Variants in PLGRKT observed in about 807,000 individuals in gnomAD.
PLGRKT encodes the protein plasminogen receptor (KT).
PLGRKT carries 22 observed loss-of-function variants against 18.5 expected under a neutral mutation model. The observed-to-expected ratio is 1.19, with a 90% CI of 0.85 to 1.70. The LOEUF (loss-of-function observed/expected upper bound fraction) is 1.70. Ranked by LOEUF, PLGRKT falls within the 40% of genes most tolerant of loss-of-function variation. The pLI is 0.00. For missense variants in PLGRKT, 235 were observed against 174.4 expected (o/e 1.35, Z -1.96); for synonymous variants, 72 against 52.8 (o/e 1.36, Z -1.58).
intron 3 of PLGRKT, among the ~76,000 whole-genome samples, chr9:5,412,124 TAG>T (rs1213629045): frequency 6.6e-5 from 10 of 152,232 alleles, no homozygotes; most frequent in African/African-American, 2.4e-4. Flanking sequence ...ACCAGTGAAT[TAG>T]AGTGTCCAGA....
intron 3 of PLGRKT, among the ~76,000 whole-genome samples, chr9:5,422,628 G>A (rs1175970474): frequency 2.6e-5 from 4 of 152,164 alleles, no homozygotes; most frequent in African/African-American, 7.2e-5. Flanking sequence ...AAAGACACTT[G>A]TGAAGCAACT....
chr9:5,421,222 C>A (rs1232381643), intron 3 of PLGRKT, among the ~76,000 whole-genome samples: 1 of 152,222 alleles, frequency 6.6e-6, no homozygotes, highest in Non-Finnish European at 1.5e-5. Flanking sequence ...GTTCTCCCAG[C>A]TCAGTGTCTC....
chr9:5,362,558 G>GAGTT lies in PLGRKT; in HGVS notation c.82-674_82-671dup, dbSNP rs200069452. On this transcript the variant is annotated intron_variant, in intron 3 of 5. Transcript: ENST00000223864. ...TAAACCCAAGCCCATTATTTGAAGA[G>GAGTT]AGTTATATTCTTGACAGAGAAAAGT... 1.1e-4 allele frequency among the ~76,000 whole-genome samples: 17 copies of GAGTT among 152,276 alleles called. No individual in the cohort carries two copies. The East Asian group carries it at 3.1e-3, about 28-fold the overall frequency.
rs373362217 is a variant in PLGRKT at position 5,403,011 on chromosome 9, A to T, written c.81+28886T>A. 3.7e-4 allele frequency among the ~76,000 whole-genome samples: 57 copies of T among 152,018 alleles called. No individual in the cohort carries two copies. The East Asian group carries it at 0.01, about 28-fold the overall frequency. On this transcript the variant is annotated intron_variant, in intron 3 of 5. Transcript: ENST00000223864. Reference sequence around the variant, plus strand: ...CAGACCAAACCCTAGCAGGAAAAATAGTATTCTCCCCTGGATAATAGGTAG... The same window carrying T: ...CAGACCAAACCCTAGCAGGAAAAATTGTATTCTCCCCTGGATAATAGGTAG...
chr9:5,389,697 T>A (rs1817911369), intron 3 of PLGRKT, among the ~76,000 whole-genome samples: 1 of 151,870 alleles, frequency 6.6e-6, no homozygotes, highest in South Asian at 2.1e-4. Context: ...GGGAATTTTC[T>A]AGGTGACCCA....
intron 3 of PLGRKT, among the ~76,000 whole-genome samples, chr9:5,366,691 A>G (rs1817395063): frequency 6.6e-6 from 1 of 152,142 alleles, no homozygotes; most frequent in South Asian, 2.1e-4. Context: ...AACTAGAACA[A>G]AACAAGGATG....
intron 3 of PLGRKT, among the ~76,000 whole-genome samples, chr9:5,389,127 A>C (rs1399069335): frequency 6.6e-6 from 1 of 151,896 alleles, no homozygotes; most frequent in Non-Finnish European, 1.5e-5. Flanking sequence ...GATTACCTGG[A>C]TTGGATGCTG....
intron 3 of PLGRKT, among the ~76,000 whole-genome samples, chr9:5,392,842 T>C (rs959170901): frequency 2.0e-5 from 3 of 151,700 alleles, no homozygotes; most frequent in African/African-American, 7.3e-5. Flanking sequence ...TTTCATTTTA[T>C]TATTATTATT....
chr9:5,405,655 C>A (rs1051828212), intron 3 of PLGRKT, among the ~76,000 whole-genome samples: 3 of 152,122 alleles, frequency 2.0e-5, no homozygotes, highest in African/African-American at 7.2e-5. Context: ...TATAAAAACC[C>A]TAGAAGAAAA....
intron 2 of PLGRKT, among the ~76,000 whole-genome samples, chr9:5,432,484 G>GCTCTCC (rs1563793202): frequency 1.3e-5 from 2 of 152,032 alleles, no homozygotes; most frequent in South Asian, 2.1e-4. Context: ...AGAAGATTGA[G>GCTCTCC]CTCTCCCTCT....
intron 3 of PLGRKT, among the ~76,000 whole-genome samples, chr9:5,365,034 G>A (rs939650138): frequency 1.3e-5 from 2 of 152,114 alleles, no homozygotes; most frequent in Non-Finnish European, 2.9e-5. Context: ...TCTGTCCACT[G>A]ACAGGGCATA....
At chr9:5,426,754 G>A (rs1051426983) in intron 3 of PLGRKT, among the ~76,000 whole-genome samples, 5 of 152,278 alleles carry the variant, frequency 3.3e-5, no homozygotes, top group Non-Finnish European at 7.3e-5. Flanking sequence ...TTTGCAGTAA[G>A]CAACCCTGAG....
At chr9:5,423,794 C>T (rs141444015) in intron 3 of PLGRKT, among the ~76,000 whole-genome samples, 1 of 148,876 alleles carries the variant, frequency 6.7e-6, no homozygotes, top group African/African-American at 2.5e-5. Flanking sequence ...CCTGACCCCC[C>T]CAGGCTCAAG....
At chr9:5,397,288 C>G (rs550033204) in intron 3 of PLGRKT, among the ~76,000 whole-genome samples, 1 of 151,936 alleles carries the variant, frequency 6.6e-6, no homozygotes, top group African/African-American at 2.4e-5. Context: ...TGACTTTCCC[C>G]TCACTTTATT....
intron 3 of PLGRKT, among the ~76,000 whole-genome samples, chr9:5,369,826 A>C (rs549042018): frequency 7.2e-5 from 11 of 152,300 alleles, no homozygotes; most frequent in Non-Finnish European, 1.2e-4. Flanking sequence ...TTCTCAGCAA[A>C]CTAACACAGG....
chr9:5,379,338 C>T (rs1310554250), intron 3 of PLGRKT, among the ~76,000 whole-genome samples: 2 of 152,166 alleles, frequency 1.3e-5, no homozygotes, highest in Non-Finnish European at 2.9e-5. Flanking sequence ...TGAAAATTGT[C>T]TTACCTGCCA....
At chr9:5,417,243 T>C (rs1158932823) in intron 3 of PLGRKT, among the ~76,000 whole-genome samples, 1 of 152,228 alleles carries the variant, frequency 6.6e-6, no homozygotes, top group Non-Finnish European at 1.5e-5. Context: ...ACTTAGTATG[T>C]GACCCCTAAT....
intron 3 of PLGRKT, among the ~76,000 whole-genome samples, chr9:5,368,724 T>G (rs767983083): frequency 6.6e-6 from 1 of 151,944 alleles, no homozygotes; most frequent in Non-Finnish European, 1.5e-5. Flanking sequence ...AAAACAAAAG[T>G]TGAAATTATA....
chr9:5,361,870 T>C lies in PLGRKT; in HGVS notation c.100A>G (p.Met34Val), dbSNP rs1206094931. The change falls in exon 4 of 6, where the codon ATG becomes GTG. Residue 34 changes from methionine to valine, a missense_variant. Transcript: ENST00000223864. The part of the protein sequence containing the change: ...ARLQLERQLI[M>V]QSEMRERQMA... ...TGTCTTTCCCTCATTTCACTCTGCA[T>C]GATGAGCTGCCTTTCCAGCTAAGGA... is the stretch of plus-strand genomic sequence containing the variant. 3.7e-6 allele frequency: 6 copies of C among 1,612,894 alleles called. 1 individual carries two copies. In the Admixed American group the frequency reaches 1.0e-4, roughly 27 times the overall value.
Sources: gnomAD v4.1 joint callset for allele counts (sites outside exome capture counted in the v4.1 genomes callset) on GRCh38, gnomAD v4.1.1 for gene constraint, MANE v1.5 for transcripts, NCBI Gene and HGNC (gene_info 2026-07-23, HGNC 2026-07-21) for gene names.